Variants in TNNI3K observed in about 807,000 individuals in gnomAD.
TNNI3K encodes serine/threonine-protein kinase TNNI3K.
In TNNI3K, 140 loss-of-function variants were observed where a neutral mutation model predicts 114.5. That is an observed-to-expected ratio of 1.22 (90% CI 1.07 to 1.41). The LOEUF (loss-of-function observed/expected upper bound fraction) is 1.41, where lower values mean the gene tolerates loss of function less well. Ranked by LOEUF, TNNI3K falls within the 40% of genes most tolerant of loss-of-function variation. The pLI is 0.00. For synonymous variants in TNNI3K, 347 were observed against 347.5 expected (o/e 1.00, Z 0.02); for missense variants, 1,125 against 1,007.6 (o/e 1.12, Z -1.58).
Position 74,336,090 on chromosome 1 carries a change from C to A in TNNI3K, c.623C>A (p.Ser208Tyr), listed in dbSNP as rs1252824032. The change falls in exon 7 of 25, where the codon TCT becomes TAT. Residue 208 changes from serine (S) to tyrosine (Y), a missense_variant. Coordinates refer to ENST00000326637, the MANE Select transcript of TNNI3K (RefSeq NM_015978.3). ...EVGDRPLHLA[S>Y]AKGFLNIAKL... ...GGAGATAGACCCCTCCACCTAGCAT[C>A]TGCAAAAGGATTCTTGAATATTGCA... is the stretch of plus-strand genomic sequence containing the variant. 3 of 1,603,994 alleles carry A rather than the reference C, an allele frequency of 1.9e-6. No individual in the cohort carries two copies. In the Admixed American group the frequency reaches 5.3e-5, roughly 28 times the overall value.
chr1:74,357,955 T>C (rs183964654), intron 11 of TNNI3K, among the ~76,000 whole-genome samples: 241 of 151,562 alleles, frequency 1.6e-3, no homozygotes, highest in African/African-American at 5.7e-3. Flanking sequence ...TAATCACCAG[T>C]ATGGAAAACC....
chr1:74,271,550 A>T (rs755207500), intron 4 of TNNI3K, 48 bp from the exon 5 acceptor site: 1 of 1,527,552 alleles, frequency 6.5e-7, no homozygotes. Context: ...ACAGCTTTTG[A>T]ACCTGTTATT....
rs1667191267 is a variant in TNNI3K at position 74,455,502 on chromosome 1, C to A, written c.2012-7939C>A. Among the ~76,000 whole-genome samples the A allele has an allele frequency of 2.0e-5, 3 of 152,108 alleles. No homozygotes were observed. The South Asian group carries it at 6.2e-4, about 32-fold the overall frequency. ...GAGAAGCAGAACAAGTGGAATATATCTATTTATATGTGTAAGAGGTGATTT... is the reference window on the plus strand; with the variant it reads ...GAGAAGCAGAACAAGTGGAATATATATATTTATATGTGTAAGAGGTGATTT... On this transcript the variant is annotated intron_variant, in intron 20 of 24. Coordinates refer to ENST00000326637, the MANE Select transcript of TNNI3K (RefSeq NM_015978.3).
intron 2 of TNNI3K, among the ~76,000 whole-genome samples, chr1:74,237,807 G>T (rs1002461110): frequency 6.6e-6 from 1 of 151,990 alleles, no homozygotes; most frequent in African/African-American, 2.4e-5. Flanking sequence ...TTCAAGTGTT[G>T]TTCTGGATAC....
chr1:74,404,587 C>T (rs45613833), intron 17 of TNNI3K, among the ~76,000 whole-genome samples: 1,599 of 152,156 alleles, frequency 0.011, 28 homozygotes, highest in African/African-American at 0.037. Context: ...TGATTCAGTA[C>T]GTATTAGTTG....
At chr1:74,349,422 C>A (rs1301576544) in intron 9 of TNNI3K, among the ~76,000 whole-genome samples, 1 of 151,938 alleles carries the variant, frequency 6.6e-6, no homozygotes, top group East Asian at 1.9e-4. Context: ...GGATATTCGT[C>A]TAAAATTCTC....
At chr1:74,267,446 C>A (rs1469795004) in intron 4 of TNNI3K, among the ~76,000 whole-genome samples, 1 of 151,760 alleles carries the variant, frequency 6.6e-6, no homozygotes, top group South Asian at 2.1e-4. Flanking sequence ...GTCCAACAGA[C>A]CTGGGTTTGC....
Position 74,394,665 on chromosome 1 carries a change from G to A in TNNI3K, c.1772+24273G>A, listed in dbSNP as rs142029523. Among the ~76,000 whole-genome samples, 20 of 152,298 alleles carry A rather than the reference G, an allele frequency of 1.3e-4. No individual in the cohort carries two copies. The East Asian group carries it at 1.7e-3, about 13-fold the overall frequency. Reference sequence around the variant, plus strand: ...TTCAGCCTGCCCAGCTATTTAGGTCGTAAGTCAAATACTTGAAAAGCCTCT... The same window carrying A: ...TTCAGCCTGCCCAGCTATTTAGGTCATAAGTCAAATACTTGAAAAGCCTCT... On this transcript the variant is annotated intron_variant, in intron 17 of 24. Coordinates refer to ENST00000326637, the MANE Select transcript of TNNI3K (RefSeq NM_015978.3).
At chr1:74,497,982 T>A (rs187586903) in intron 23 of TNNI3K, among the ~76,000 whole-genome samples, 2 of 152,256 alleles carry the variant, frequency 1.3e-5, no homozygotes, top group South Asian at 2.1e-4. Context: ...TGTGGGAGGC[T>A]TTTTTGTTTG....
At chr1:74,353,897 A>G (rs1557516106) in intron 10 of TNNI3K, 83 bp from the exon 11 acceptor site, 9 of 1,491,762 alleles carry the variant, frequency 6.0e-6, no homozygotes, top group Non-Finnish European at 8.1e-6. Flanking sequence ...TAATGCTATT[A>G]TGTGGTGATG....
At chr1:74,303,400 T>C (rs1002791741) in intron 5 of TNNI3K, among the ~76,000 whole-genome samples, 1 of 151,956 alleles carries the variant, frequency 6.6e-6, no homozygotes, top group African/African-American at 2.4e-5. Context: ...CCTGACCTCA[T>C]GTGATCTGCC....
chr1:74,399,172 A>C lies in TNNI3K; in HGVS notation c.1772+28780A>C, dbSNP rs796721846. ...AAAACCCATTAAAAAAAAAAAAAAAAAAAAAAACACCCAAAAGCAAAACTA... is the reference window on the plus strand; with the variant it reads ...AAAACCCATTAAAAAAAAAAAAAAACAAAAAAACACCCAAAAGCAAAACTA... On this transcript the variant is annotated intron_variant, in intron 17 of 24. Transcript: ENST00000326637. Among the ~76,000 whole-genome samples the C allele has an allele frequency of 1.3e-4, 19 of 151,358 alleles. 1 individual carries two copies. The highest frequency in any genetic ancestry group is 4.6e-4 in the African/African-American group (19 of 41,310).
At chr1:74,387,322 C>T (rs576283984) in intron 17 of TNNI3K, among the ~76,000 whole-genome samples, 149 of 152,188 alleles carry the variant, frequency 9.8e-4, no homozygotes, top group African/African-American at 3.4e-3. Context: ...AAGAAACAAG[C>T]GAATACATTT....
At position 74,268,352 on chromosome 1, in the gene TNNI3K, T is replaced by A. The variant is rs796485714; in HGVS notation, c.334-3246T>A. 5.3e-5 allele frequency among the ~76,000 whole-genome samples: 8 copies of A among 152,028 alleles called. 1 individual carries two copies. The highest frequency in any genetic ancestry group is 1.9e-4 in the African/African-American group (8 of 41,526). Reference sequence around the variant, plus strand: ...GCCCTCACCAAGATTATTGGTAAAGTGAGAGTTAACTCCTGTGAACTGTTT... The same window carrying A: ...GCCCTCACCAAGATTATTGGTAAAGAGAGAGTTAACTCCTGTGAACTGTTT... On this transcript the variant is annotated intron_variant, in intron 4 of 24. Transcript: ENST00000326637.
At chr1:74,444,381 C>T (rs374744166) in intron 20 of TNNI3K, among the ~76,000 whole-genome samples, 6 of 152,078 alleles carry the variant, frequency 3.9e-5, no homozygotes, top group African/African-American at 1.4e-4. Context: ...TTCCTATACA[C>T]CAACAATAGA....
At chr1:74,454,724 A>G (rs1213787636) in intron 20 of TNNI3K, among the ~76,000 whole-genome samples, 1 of 152,090 alleles carries the variant, frequency 6.6e-6, no homozygotes, top group Non-Finnish European at 1.5e-5. Flanking sequence ...TTTCTTTTGG[A>G]TATATACCTG....
intron 24 of TNNI3K, among the ~76,000 whole-genome samples, chr1:74,543,077 T>C (rs1472768097): frequency 1.3e-4 from 17 of 128,324 alleles, no homozygotes; most frequent in African/African-American, 4.1e-4. Flanking sequence ...TTTTTTTTTT[T>C]TTTTTTTTTT....
intron 5 of TNNI3K, among the ~76,000 whole-genome samples, chr1:74,284,460 T>G (rs1657204278): frequency 6.6e-6 from 1 of 152,186 alleles, no homozygotes; most frequent in Non-Finnish European, 1.5e-5. Context: ...CAACTATACA[T>G]TAGGCCAATA....
chr1:74,426,021 G>A (rs1437374644), intron 17 of TNNI3K, among the ~76,000 whole-genome samples: 1 of 151,858 alleles, frequency 6.6e-6, no homozygotes, highest in Non-Finnish European at 1.5e-5. Flanking sequence ...AAATAGTTAT[G>A]TTCATTTCTT....
Sources: allele counts gnomAD v4.1 joint callset (sites outside exome capture counted in the v4.1 genomes callset), GRCh38; gene constraint gnomAD v4.1.1; transcripts MANE v1.5; gene names NCBI Gene and HGNC (gene_info 2026-07-23, HGNC 2026-07-21).